Variants in COL18A1 observed in about 807,000 individuals in gnomAD.
COL18A1 encodes the protein collagen type XVIII alpha 1 chain.
In COL18A1, 133 loss-of-function variants were observed where a neutral mutation model predicts 168.0. The observed-to-expected ratio is 0.79, with a 90% CI of 0.69 to 0.91. COL18A1 has a LOEUF of 0.91. Ranked by LOEUF, COL18A1 falls within the 40% of genes least tolerant of loss-of-function variation. The pLI, the probability that COL18A1 is intolerant of heterozygous loss-of-function variation, is 0.00. For synonymous variants in COL18A1, 949 were observed against 809.0 expected (o/e 1.17, Z -2.94); for missense variants, 2,126 against 1,925.4 (o/e 1.10, Z -1.95).
intron 2 of COL18A1, among the ~76,000 whole-genome samples, chr21:45,438,089 C>T (rs1368386458): frequency 8.3e-6 from 1 of 120,130 alleles, no homozygotes; most frequent in African/African-American, 3.8e-5. Flanking sequence ...CACTCTCCTG[C>T]ACACACTCAC....
rs758784072 is a variant in COL18A1 at position 45,455,643 on chromosome 21, C to G, written c.107-12599C>G. 1.9e-6 allele frequency: 3 copies of G among 1,613,958 alleles called. No individual in the cohort carries two copies. Among genetic ancestry groups the G allele is most frequent in the Admixed American group, 1.7e-5 (1 of 60,024 alleles). ...TGGCTTTGGTTCAATAATGAGGACA[C>G]CAGCCATGCAGCTACCACGATCCCT... On this transcript the variant is annotated intron_variant, in intron 2 of 41. Coordinates refer to ENST00000651438, the MANE Select transcript of COL18A1 (RefSeq NM_001379500.1).
intron 2 of COL18A1, among the ~76,000 whole-genome samples, chr21:45,417,237 G>A (rs753080291): frequency 2.6e-5 from 4 of 152,164 alleles, no homozygotes; most frequent in Admixed American, 6.5e-5. Context: ...TGTATTTCAC[G>A]TGGACTCACC....
At chr21:45,494,665 C>A in intron 27 of COL18A1, 94 bp downstream of exon 27, 1 of 1,562,988 alleles carries the variant, frequency 6.4e-7, no homozygotes, top group African/African-American at 1.4e-5. Context: ...TGCTGTGCGG[C>A]CCAGGGCTCA....
intron 18 of COL18A1, 123 bp from the exon 19 acceptor site, chr21:45,489,363 G>C: frequency 1.3e-6 from 1 of 794,430 alleles, no homozygotes; most frequent in Admixed American, 2.0e-5. Context: ...CCTCGGCTCT[G>C]GGCTGGGGGA....
At position 45,443,603 on chromosome 21, in the gene COL18A1, C is replaced by T. The variant is rs1021556610; in HGVS notation, c.107-24639C>T. Among the ~76,000 whole-genome samples the T allele has an allele frequency of 1.2e-4, 19 of 152,248 alleles. No homozygotes were observed. Among genetic ancestry groups the T allele is most frequent in the Non-Finnish European group, 1.0e-4 (7 of 68,006 alleles). ...CTGTGCTGAACTGTTCTCCGACAGG[C>T]GGCCCTTTTTCTCCCACGTGGGCGA... On this transcript the variant is annotated intron_variant, in intron 2 of 41. Coordinates refer to ENST00000651438, the MANE Select transcript of COL18A1 (RefSeq NM_001379500.1). The surrounding 1 kb of genome is among the most constrained non-coding windows in gnomAD (Gnocchi z 5.2).
chr21:45,456,833 C>T, intron 2 of COL18A1: 1 of 1,516,110 alleles, frequency 6.6e-7, no homozygotes, highest in Non-Finnish European at 8.8e-7. Context: ...CTGTGCCTCG[C>T]TCCCGACCCA....
chr21:45,450,497 C>G (rs954084518), intron 2 of COL18A1, among the ~76,000 whole-genome samples: 8 of 152,178 alleles, frequency 5.3e-5, no homozygotes, highest in African/African-American at 1.2e-4. Flanking sequence ...AATGAGCCCC[C>G]CTCTTTGCCC....
chr21:45,405,777 C>A (rs917315503), intron 2 of COL18A1, among the ~76,000 whole-genome samples: 15 of 150,970 alleles, frequency 9.9e-5, no homozygotes, highest in Non-Finnish European at 1.6e-4. Context: ...GGGCTCGGGG[C>A]GGGGCCGCGG....
intron 2 of COL18A1, among the ~76,000 whole-genome samples, chr21:45,437,288 GCACACA>G (rs1336041353): frequency 1.3e-4 from 11 of 86,056 alleles, no homozygotes; most frequent in African/African-American, 4.6e-4. Context: ...GCACTCTCCT[GCACACA>G]CACACACTCA....
intron 2 of COL18A1, chr21:45,422,376 T>C: frequency 4.2e-6 from 2 of 471,526 alleles, no homozygotes; most frequent in South Asian, 1.6e-5. Context: ...TGGAGTGCGA[T>C]GGCGGGGCCT....
At chr21:45,415,609 G>A (rs1346207621) in intron 2 of COL18A1, among the ~76,000 whole-genome samples, 3 of 152,326 alleles carry the variant, frequency 2.0e-5, no homozygotes, top group African/African-American at 4.8e-5. Context: ...TGCGGCAGGC[G>A]GCCGGGGCAG....
At chr21:45,451,650 A>G (rs1226859965) in intron 2 of COL18A1, among the ~76,000 whole-genome samples, 1 of 152,182 alleles carries the variant, frequency 6.6e-6, no homozygotes, top group Non-Finnish European at 1.5e-5. Flanking sequence ...CAGCAGCAGG[A>G]GCGCTCAGAG....
intron 32 of COL18A1, among the ~76,000 whole-genome samples, chr21:45,500,496 TAGTG>T: frequency 2.2e-5 from 1 of 45,080 alleles, no homozygotes; most frequent in Non-Finnish European, 4.1e-5. Flanking sequence ...GTTGCGTGTG[TAGTG>T]TGGGGGTGTG....
chr21:45,454,438 G>A (rs1199943669), intron 2 of COL18A1, among the ~76,000 whole-genome samples: 1 of 152,204 alleles, frequency 6.6e-6, no homozygotes, highest in Non-Finnish European at 1.5e-5. Context: ...AGCTGGGGGA[G>A]CTGGCGTGCA....
chr21:45,428,172 C>T (rs918752408), intron 2 of COL18A1, among the ~76,000 whole-genome samples: 8 of 152,208 alleles, frequency 5.3e-5, no homozygotes, highest in Non-Finnish European at 1.0e-4. Context: ...TGCAGGCAGG[C>T]GGCGTCTGGG....
In COL18A1 at chr21:45,457,642, G is replaced by A. The variant is rs1046244669; in HGVS notation, c.107-10600G>A. ...CCAGCAGATCCCTCCTCTGTGTCCG[G>A]GAGTAGACGGGGCCCCTGAGCTGTG... is the stretch of plus-strand genomic sequence containing the variant. On this transcript the variant is annotated intron_variant, in intron 2 of 41. Transcript: ENST00000651438. This position sits in a 1 kb window ranked among gnomAD's most constrained non-coding sequence, Gnocchi z 4.6. Among the ~76,000 whole-genome samples the A allele has an allele frequency of 7.2e-5, 11 of 152,200 alleles. No homozygotes were observed. Among genetic ancestry groups the A allele is most frequent in the Admixed American group, 5.9e-4 (9 of 15,294 alleles).
At chr21:45,449,799 G>A (rs376127502) in intron 2 of COL18A1, among the ~76,000 whole-genome samples, 4 of 152,214 alleles carry the variant, frequency 2.6e-5, no homozygotes, top group East Asian at 3.9e-4. Flanking sequence ...TGGTCATGCC[G>A]CTGGCCGGGT....
At chr21:45,439,095 T>C (rs1362731480) in intron 2 of COL18A1, among the ~76,000 whole-genome samples, 2 of 152,246 alleles carry the variant, frequency 1.3e-5, no homozygotes, top group Non-Finnish European at 2.9e-5. Context: ...ATCCCACAAA[T>C]GTGACCCTTA....
In COL18A1 at chr21:45,411,751, G is replaced by A. The variant is rs566723724; in HGVS notation, c.106+6278G>A. On this transcript the variant is annotated intron_variant, in intron 2 of 41. Coordinates refer to ENST00000651438, the MANE Select transcript of COL18A1 (RefSeq NM_001379500.1). ...GGGTGTCACCCCAGCCAGAGTCAGG[G>A]CTGATGGCGGGGGGTGGGGGGGGGG... Among the ~76,000 whole-genome samples the A allele has an allele frequency of 2.9e-5, 4 of 139,680 alleles. No homozygotes were observed. In the East Asian group the frequency reaches 1.1e-3, roughly 37 times the overall value. 91.6% of individuals were successfully genotyped at this position (139,680 alleles called of 152,430 possible).
Sources: gnomAD v4.1 joint callset for allele counts (sites outside exome capture counted in the v4.1 genomes callset) on GRCh38, gnomAD v4.1.1 for gene constraint, Gnocchi (gnomAD v3.1) non-coding constraint, MANE v1.5 for transcripts, NCBI Gene and HGNC (gene_info 2026-07-23, HGNC 2026-07-21) for gene names.